THEM5: variants seen among roughly 807,000 people sequenced by gnomAD.
THEM5 encodes acyl-coenzyme A thioesterase THEM5.
In THEM5, 28 loss-of-function variants were observed where a neutral mutation model predicts 24.2. The ratio of observed to expected loss-of-function variants is 1.16; its 90% CI spans 0.86 to 1.59. THEM5 has a LOEUF of 1.59. Ranked by LOEUF, THEM5 falls within the 40% of genes most tolerant of loss-of-function variation. THEM5 has a pLI of 0.00. For missense variants in THEM5, 260 were observed against 296.8 expected, an observed-to-expected ratio of 0.88 and a Z score of 0.91; for synonymous variants, 87 against 114.5, an observed-to-expected ratio of 0.76 and a Z score of 1.53.
Position 151,847,764 on chromosome 1 carries a change from T to C in THEM5, c.674A>G (p.Gln225Arg). The C allele has an allele frequency of 1.2e-6, 2 of 1,613,954 alleles. No homozygotes were observed. Among genetic ancestry groups the C allele is most frequent in the Non-Finnish European group, 1.7e-6 (2 of 1,180,012 alleles). Residue 225 changes from glutamine (Q) to arginine (R), a missense_variant, in exon 5 of 6, where the codon CAG becomes CGG. Physicochemically the swap from Gln to Arg is conservative, Grantham distance 43. Transcript: ENST00000368817. The stretch of plus-strand genomic sequence containing the variant: ...TGAGGACTTGGCATAAACTGTCTGC[T>C]GGTCTCTGCTGTGGGCGATGCAGGA... Reference protein sequence around the residue: ...YMSCIAHSRDQQTVYAKSSGV... With the variant: ...YMSCIAHSRDRQTVYAKSSGV...
In THEM5 at chr1:151,847,852, C is replaced by T. The variant is rs759063830; in HGVS notation, c.586G>A (p.Val196Met). Reference sequence around the variant, plus strand: ...ACGTCCATTACAACCAGAGAGTCCACGGGGATCAAGCTGGGAGACGAGGCA... The same window carrying T: ...ACGTCCATTACAACCAGAGAGTCCATGGGGATCAAGCTGGGAGACGAGGCA... ...LNIRFKNLIP[V>M]DSLVVMDVEL... The change falls in exon 5 of 6, where the codon GTG (valine) becomes ATG (methionine). Residue 196 changes from valine to methionine, a missense_variant. Coordinates refer to ENST00000368817, the MANE Select transcript of THEM5 (RefSeq NM_182578.4). 23 of 1,613,896 alleles carry T rather than the reference C, an allele frequency of 1.4e-5. No homozygotes were observed. The highest frequency in any genetic ancestry group is 1.3e-4 in the South Asian group (12 of 91,088).
At chr1:151,850,431 T>C (rs1407550107) in intron 3 of THEM5, 2 of 152,586 alleles carry the variant, frequency 1.3e-5, no homozygotes, top group South Asian at 2.1e-4. Flanking sequence ...AACAGTGGAC[T>C]TGGAATCTCA....
chr1:151,848,401 A>G (rs1653010874), intron 3 of THEM5, 109 bp from the exon 4 acceptor site: 2 of 832,410 alleles, frequency 2.4e-6, no homozygotes, highest in Non-Finnish European at 3.9e-6. Context: ...CCCTTTCCCT[A>G]GACCCTTCCA....
At chr1:151,852,971 G>C (rs1020733039) in intron 1 of THEM5, among the ~76,000 whole-genome samples, 3 of 152,232 alleles carry the variant, frequency 2.0e-5, no homozygotes, top group African/African-American at 7.2e-5. Context: ...GGGCCTGCCT[G>C]GGCAGGGTGG....
intron 3 of THEM5, among the ~76,000 whole-genome samples, chr1:151,848,655 A>T (rs1216243854): frequency 6.6e-6 from 1 of 152,272 alleles, no homozygotes; most frequent in Non-Finnish European, 1.5e-5. Flanking sequence ...AAGGATGGGC[A>T]TATACAGGAA....
chr1:151,849,286 C>G (rs1653041406), intron 3 of THEM5, among the ~76,000 whole-genome samples: 1 of 151,724 alleles, frequency 6.6e-6, no homozygotes. Context: ...TCAGCTACTT[C>G]ATGGTTGGCT....
chr1:151,853,358 G>A, intron 1 of THEM5, 85 bp downstream of exon 1: 3 of 1,501,218 alleles, frequency 2.0e-6, no homozygotes, highest in South Asian at 1.4e-5. Flanking sequence ...CCCTGGCCAT[G>A]GGCTGGGAAG....
rs116124915 is a variant in THEM5, at chr1:151,852,999, T to G, written c.123+444A>C. ...CAGGGTGGCTCCTTTGAAACACATT[T>G]GGGCCCCCACAGAGGTGTGGTGCCA... is the stretch of plus-strand genomic sequence containing the variant. On this transcript the variant is annotated intron_variant, in intron 1 of 5. Coordinates refer to ENST00000368817, the MANE Select transcript of THEM5 (RefSeq NM_182578.4). Among the ~76,000 whole-genome samples, 778 of 152,330 alleles carry G rather than the reference T, an allele frequency of 5.1e-3. 4 individuals are homozygous for G. The highest frequency in any genetic ancestry group is 0.017 in the African/African-American group (703 of 41,576).
intron 4 of THEM5, 38 bp downstream of exon 4, chr1:151,848,144 C>T: frequency 6.2e-7 from 1 of 1,601,252 alleles, no homozygotes; most frequent in Non-Finnish European, 8.6e-7. Flanking sequence ...ATGAAAAGGT[C>T]TGTGACTTTG....
chr1:151,852,043 G>A (rs972366889), intron 2 of THEM5, among the ~76,000 whole-genome samples: 3 of 152,156 alleles, frequency 2.0e-5, no homozygotes, highest in African/African-American at 7.2e-5. Context: ...AGCGAAGGTG[G>A]GCCCACCAGG....
Position 151,853,709 on chromosome 1 carries a change from C to G in THEM5, c.-144G>C. ...AGCTAGGCGAGGCTGGGCTGGTGTG[C>G]TGCAACACCCACAGATGCTCGGCGC... On this transcript the variant is annotated 5_prime_UTR_variant, in exon 1 of 6. Transcript: ENST00000368817. 9.1e-7 allele frequency: 1 copy of G among 1,097,608 alleles called. No individual in the cohort carries two copies. Among genetic ancestry groups the G allele is most frequent in the Non-Finnish European group, 1.3e-6 (1 of 796,576 alleles). The allele number at this position is 1,097,608 out of a possible 1,614,324, so 68.0% of individuals were successfully genotyped here.
chr1:151,848,314 G>T, intron 3 of THEM5, 22 bp from the exon 4 acceptor site: 1 of 1,602,490 alleles, frequency 6.2e-7, no homozygotes, highest in South Asian at 1.1e-5. Flanking sequence ...GTAAGGTGAG[G>T]AGCAAGGCCT....
At chr1:151,848,414 C>A in intron 3 of THEM5, 122 bp from the exon 4 acceptor site, 1 of 721,290 alleles carries the variant, frequency 1.4e-6, no homozygotes, top group Non-Finnish European at 2.3e-6. Flanking sequence ...CCCTTCCAAA[C>A]ACAGACGTTC....
chr1:151,852,162 C>T lies in THEM5; in HGVS notation c.325+96G>A, dbSNP rs937795717. The T allele has an allele frequency of 4.5e-5, 57 of 1,255,260 alleles. 1 individual carries two copies. The highest frequency in any genetic ancestry group is 1.7e-4 in the Admixed American group (10 of 57,394). 77.8% of individuals were successfully genotyped at this position (1,255,260 alleles called of 1,614,324 possible). A position where few individuals can be genotyped will look rare whatever the true frequency, so the allele number is the denominator to read the frequency against. ...GTGGAGTTGGACAGCAGGAAGAACT[C>T]GCTGAGAACTGGAAGGCGGTCTGTG... On this transcript the variant is annotated intron_variant, in intron 2 of 5. Coordinates refer to ENST00000368817, the MANE Select transcript of THEM5 (RefSeq NM_182578.4).
At chr1:151,848,786 A>G (rs1473470341) in intron 3 of THEM5, among the ~76,000 whole-genome samples, 2 of 152,254 alleles carry the variant, frequency 1.3e-5, no homozygotes, top group South Asian at 2.1e-4. Flanking sequence ...AATGTGAAAC[A>G]TAACTTATGA....
chr1:151,849,717 C>T lies in THEM5; in HGVS notation c.464+1336G>A, dbSNP rs538927445. 7.2e-5 allele frequency among the ~76,000 whole-genome samples: 11 copies of T among 152,276 alleles called. No homozygotes were observed. In the South Asian group the frequency reaches 2.1e-3, roughly 29 times the overall value. On this transcript the variant is annotated intron_variant, in intron 3 of 5. Transcript: ENST00000368817. ...TGAAAAGAGTTGGTGTCAAAGAACTCGAAACCAACTCTCTCCTCCTTGTCC... is the reference window on the plus strand; with the variant it reads ...TGAAAAGAGTTGGTGTCAAAGAACTTGAAACCAACTCTCTCCTCCTTGTCC...
rs1041705635 is a variant in THEM5, at chr1:151,853,591, C to T, written c.-26G>A. ...GGCCAAGTGCAAGGATCCAGCCCTG[C>T]TTGGATGGAGGGTCTTGGCTGACTC... On this transcript the variant is annotated 5_prime_UTR_variant, in exon 1 of 6. Transcript: ENST00000368817. 1 of 1,598,312 alleles carries T rather than the reference C, an allele frequency of 6.3e-7. No individual in the cohort carries two copies. Among genetic ancestry groups the T allele is most frequent in the Non-Finnish European group, 8.5e-7 (1 of 1,171,598 alleles).
intron 4 of THEM5, 60 bp downstream of exon 4, chr1:151,848,122 C>T (rs1652999042): frequency 1.3e-6 from 2 of 1,561,452 alleles, no homozygotes; most frequent in Non-Finnish European, 1.8e-6. Context: ...CCGAGGATGG[C>T]CACTTCCAGG....
chr1:151,849,133 C>T (rs749025910), intron 3 of THEM5, among the ~76,000 whole-genome samples: 24 of 151,246 alleles, frequency 1.6e-4, no homozygotes, highest in Admixed American at 4.0e-4. Context: ...ACATGAGAAT[C>T]GATTGAACCC....
Sources: allele counts gnomAD v4.1 joint callset (sites outside exome capture counted in the v4.1 genomes callset), GRCh38; gene constraint gnomAD v4.1.1; transcripts MANE v1.5; gene names NCBI Gene and HGNC (gene_info 2026-07-23, HGNC 2026-07-21).